Variants in MYO1D observed in about 807,000 individuals in gnomAD.
MYO1D encodes myosin ID, also known as unconventional myosin-Id.
Under a neutral mutation model 122.0 loss-of-function variants are expected in MYO1D, and 83 were observed. That is an observed-to-expected ratio of 0.68 (90% CI 0.57 to 0.82). MYO1D has a LOEUF of 0.82. Among genes scored for constraint, MYO1D ranks in the 40% least tolerant of loss-of-function variants. The probability of loss-of-function intolerance (pLI) is 0.00; values close to 1 mark genes in which losing one functional copy is unlikely to be tolerated. For synonymous variants in MYO1D, 464 were observed against 446.9 expected (o/e 1.04, Z -0.48); for missense variants, 1,157 against 1,269.5 (o/e 0.91, Z 1.35).
rs774598753 is a variant in MYO1D at position 32,712,182 on chromosome 17, A to G, written c.1927T>C (p.Ser643Pro). 4.3e-6 allele frequency: 7 copies of G among 1,613,014 alleles called. No individual in the cohort carries two copies. The East Asian group carries it at 1.3e-4, about 31-fold the overall frequency. The change falls in exon 16 of 22, where the codon TCT (serine) becomes CCT (proline). Residue 643 changes from serine (S) to proline (P), a missense_variant. Ser to Pro is a moderately conservative substitution (Grantham distance 74). Transcript: ENST00000318217. ...TCATGGTTGGGCCAGGTGAATTCAG[A>G]GATCATCTTATACCTGGATGAAAAA... ...EKFLHRYKMISEFTWPNHDLP... is the reference protein window; with the variant it reads ...EKFLHRYKMIPEFTWPNHDLP...
At chr17:32,728,816 C>T (rs1233215748) in intron 14 of MYO1D, among the ~76,000 whole-genome samples, 11 of 152,104 alleles carry the variant, frequency 7.2e-5, no homozygotes, top group African/African-American at 2.7e-4. Context: ...ACTTTATTAA[C>T]CAGAAAATAG....
chr17:32,552,198 C>T (rs1011818253), intron 21 of MYO1D, among the ~76,000 whole-genome samples: 3 of 152,222 alleles, frequency 2.0e-5, no homozygotes, highest in African/African-American at 7.2e-5. Context: ...ACCTCAGCCT[C>T]CTGAGTAGCT....
chr17:32,704,778 T>C (rs2089285979), intron 16 of MYO1D, among the ~76,000 whole-genome samples: 1 of 152,034 alleles, frequency 6.6e-6, no homozygotes, highest in Non-Finnish European at 1.5e-5. Flanking sequence ...GAAATGCAGA[T>C]TGAGGAATCC....
At chr17:32,817,370 A>T (rs1040021524) in intron 1 of MYO1D, among the ~76,000 whole-genome samples, 1 of 152,226 alleles carries the variant, frequency 6.6e-6, no homozygotes, top group African/African-American at 2.4e-5. Flanking sequence ...TTAATGGTTT[A>T]GCAACAAAAA....
At chr17:32,678,205 G>A (rs1567944243) in intron 16 of MYO1D, among the ~76,000 whole-genome samples, 1 of 151,584 alleles carries the variant, frequency 6.6e-6, no homozygotes, top group Non-Finnish European at 1.5e-5. Context: ...CAGCTTAATA[G>A]CACCTCCTCA....
chr17:32,560,715 G>A (rs1175226990), intron 21 of MYO1D, among the ~76,000 whole-genome samples: 3 of 150,938 alleles, frequency 2.0e-5, no homozygotes, highest in African/African-American at 7.3e-5. Flanking sequence ...CGCCTCTCGG[G>A]TTCAAGTGAT....
intron 21 of MYO1D, among the ~76,000 whole-genome samples, chr17:32,506,810 T>C (rs1441266199): frequency 6.6e-6 from 1 of 152,148 alleles, no homozygotes; most frequent in African/African-American, 2.4e-5. Flanking sequence ...GGGAAAAGCA[T>C]TGCTGGAGAA....
intron 21 of MYO1D, among the ~76,000 whole-genome samples, chr17:32,507,680 G>A (rs1269234867): frequency 6.6e-6 from 1 of 152,164 alleles, no homozygotes; most frequent in African/African-American, 2.4e-5. Context: ...TTATATGGAA[G>A]ACCTAGCCTT....
At chr17:32,717,109 C>T (rs1160128161) in intron 15 of MYO1D, among the ~76,000 whole-genome samples, 1 of 152,186 alleles carries the variant, frequency 6.6e-6, no homozygotes, top group Admixed American at 6.5e-5. Context: ...GGATGAGCCA[C>T]ATAAAAGGGG....
intron 11 of MYO1D, among the ~76,000 whole-genome samples, chr17:32,751,303 C>T (rs2089896156): frequency 6.6e-6 from 1 of 151,994 alleles, no homozygotes. Context: ...TGATGATATC[C>T]AGCTCAACAC....
intron 21 of MYO1D, among the ~76,000 whole-genome samples, chr17:32,519,834 A>T (rs73981821): frequency 0.014 from 2,113 of 151,944 alleles, 51 homozygotes; most frequent in African/African-American, 0.048. Flanking sequence ...TAAGACAAAA[A>T]CATTAAGAAT....
At chr17:32,564,498 C>G (rs1212319890) in intron 21 of MYO1D, among the ~76,000 whole-genome samples, 1 of 152,190 alleles carries the variant, frequency 6.6e-6, no homozygotes, top group Non-Finnish European at 1.5e-5. Flanking sequence ...CCTACACCAT[C>G]CCTTCCCTTA....
intron 21 of MYO1D, among the ~76,000 whole-genome samples, chr17:32,543,656 C>G (rs965904730): frequency 4.6e-5 from 7 of 152,180 alleles, no homozygotes; most frequent in Non-Finnish European, 8.8e-5. Context: ...CCATGCTGTA[C>G]TACTCCAGGG....
At chr17:32,553,408 G>A (rs1478267994) in intron 21 of MYO1D, among the ~76,000 whole-genome samples, 2 of 152,212 alleles carry the variant, frequency 1.3e-5, no homozygotes, top group African/African-American at 2.4e-5. Context: ...TCACCAGGAA[G>A]AGCAGGGGAG....
chr17:32,579,184 C>A (rs985530970), intron 21 of MYO1D, among the ~76,000 whole-genome samples: 5 of 152,100 alleles, frequency 3.3e-5, no homozygotes, highest in African/African-American at 1.2e-4. Flanking sequence ...TCCTTCCCTG[C>A]CTCAGCCTGA....
At chr17:32,572,634 C>T (rs1269781223) in intron 21 of MYO1D, among the ~76,000 whole-genome samples, 2 of 152,116 alleles carry the variant, frequency 1.3e-5, no homozygotes, top group Admixed American at 6.5e-5. Context: ...ATTAAAATCC[C>T]CTTATCATTA....
intron 21 of MYO1D, among the ~76,000 whole-genome samples, chr17:32,545,874 AT>A (rs1223312829): frequency 3.3e-5 from 5 of 151,938 alleles, no homozygotes; most frequent in Non-Finnish European, 7.4e-5. Context: ...CACAATAAGA[AT>A]TTAAGGTCTG....
intron 1 of MYO1D, among the ~76,000 whole-genome samples, chr17:32,830,845 G>C (rs906648308): frequency 6.6e-6 from 1 of 152,176 alleles, no homozygotes; most frequent in Non-Finnish European, 1.5e-5. Context: ...AGATCACGAA[G>C]TCAGGAGATG....
chr17:32,673,861 A>C (rs2088762800), intron 16 of MYO1D, among the ~76,000 whole-genome samples: 2 of 152,226 alleles, frequency 1.3e-5, no homozygotes, highest in South Asian at 4.1e-4. Context: ...CAATGTATTA[A>C]ATTGAAAATA....
Sources: allele counts gnomAD v4.1 joint callset (sites outside exome capture counted in the v4.1 genomes callset), GRCh38; gene constraint gnomAD v4.1.1; transcripts MANE v1.5; gene names NCBI Gene and HGNC (gene_info 2026-07-23, HGNC 2026-07-21).